MED27: variants seen among roughly 807,000 people sequenced by gnomAD.
The protein encoded by MED27 is mediator complex subunit 27.
A neutral mutation model predicts 38.2 loss-of-function variants in MED27; 30 were observed. The observed-to-expected ratio is 0.79, with a 90% CI of 0.59 to 1.07. The LOEUF (loss-of-function observed/expected upper bound fraction) is 1.07. Among genes scored for constraint, MED27 ranks in the 50% least tolerant of loss-of-function variants. The pLI is 0.00. For missense variants in MED27, 289 were observed against 397.5 expected, an observed-to-expected ratio of 0.73 and a Z score of 2.32; for synonymous variants, 122 against 153.5, an observed-to-expected ratio of 0.79 and a Z score of 1.52.
In MED27 at chr9:131,872,357, C is replaced by T. The variant is rs531459562; in HGVS notation, c.724-9217G>A. Among the ~76,000 whole-genome samples the T allele has an allele frequency of 2.6e-5, 4 of 152,348 alleles. No individual in the cohort carries two copies. The highest frequency in any genetic ancestry group is 3.9e-4 in the East Asian group (2 of 5,192). On this transcript the variant is annotated intron_variant, in intron 6 of 7. Transcript: ENST00000292035. The surrounding 1 kb of genome is among the most constrained non-coding windows in gnomAD (Gnocchi z 5.6). ...AGCCCCCGAGGCCAAGCTAGAAGAG[C>T]GGGCGCCTCTACTATTCGGAGTATT... is the stretch of plus-strand genomic sequence containing the variant.
intron 4 of MED27, among the ~76,000 whole-genome samples, chr9:131,894,267 T>C (rs1284547174): frequency 1.3e-5 from 2 of 152,264 alleles, no homozygotes; most frequent in Non-Finnish European, 2.9e-5. Flanking sequence ...ATGTTTACTA[T>C]CTGCTGGAAA....
rs1198419411 is a variant in MED27, at chr9:131,917,649, G to A, written c.573+21732C>T. ...GTGGGTGACAATGGGGATGCCACCC[G>A]CAATGTAATCAGTGCTAGAGATTAC... On this transcript the variant is annotated intron_variant, in intron 4 of 7. Coordinates refer to ENST00000292035, the MANE Select transcript of MED27 (RefSeq NM_004269.4). The surrounding 1 kb of genome is among the most constrained non-coding windows in gnomAD (Gnocchi z 4.6). Among the ~76,000 whole-genome samples the A allele has an allele frequency of 2.6e-5, 4 of 152,162 alleles. No homozygotes were observed. The highest frequency in any genetic ancestry group is 9.7e-5 in the African/African-American group (4 of 41,424).
rs530527612 is a variant in MED27, at chr9:131,868,927, C to T, written c.724-5787G>A. On this transcript the variant is annotated intron_variant, in intron 6 of 7. Transcript: ENST00000292035. ...CACTAGAAAGTGTCCTCTTCAGAGG[C>T]GGCGGGAGCCATGCGCCACAGCCCT... 2.0e-5 allele frequency: 20 copies of T among 985,476 alleles called. No individual in the cohort carries two copies. The Admixed American group carries it at 3.1e-4, about 15-fold the overall frequency. The allele number at this position is 985,476 out of a possible 1,614,324, so 61.0% of individuals were successfully genotyped here. A position where few individuals can be genotyped will look rare whatever the true frequency, so the allele number is the denominator to read the frequency against.
chr9:132,031,703 A>C (rs984714693), intron 2 of MED27, among the ~76,000 whole-genome samples: 2 of 152,204 alleles, frequency 1.3e-5, no homozygotes, highest in Admixed American at 1.3e-4. Flanking sequence ...GGGCAAGACC[A>C]ACACATCTGG....
chr9:131,969,029 A>G (rs1831417232), intron 3 of MED27, among the ~76,000 whole-genome samples: 1 of 152,194 alleles, frequency 6.6e-6, no homozygotes, highest in African/African-American at 2.4e-5. Context: ...AGTTGCAGGA[A>G]AATAAGCTCA....
chr9:131,939,147 A>G (rs1176564034), intron 4 of MED27, among the ~76,000 whole-genome samples: 2 of 152,212 alleles, frequency 1.3e-5, no homozygotes, highest in African/African-American at 4.8e-5. Flanking sequence ...ATGGTCTTAC[A>G]GTGTCTTTCC....
Position 131,860,668 on chromosome 9 carries a change from C to T in MED27, c.806G>A (p.Trp269Ter). The change falls in exon 8 of 8, where the codon TGG (tryptophan) becomes TAG (stop). Residue 269 changes from tryptophan (W) to a stop codon, truncating the protein, a stop_gained. Transcript: ENST00000292035. LOFTEE classifies it high-confidence loss of function. This position sits in a 1 kb window ranked among gnomAD's most constrained non-coding sequence, Gnocchi z 5.8. ...PDVVVRSFMT[W>*]LRSYIKLFQA... The stretch of plus-strand genomic sequence containing the variant: ...GAACAGCTTTATGTAACTTCTTAAC[C>T]AGGTCTAAAAAGAGAAACGAGGAGA... 1 of 1,613,118 alleles carries T rather than the reference C, an allele frequency of 6.2e-7. No homozygotes were observed. Among genetic ancestry groups the T allele is most frequent in the Non-Finnish European group, 8.5e-7 (1 of 1,179,612 alleles).
At chr9:132,071,331 T>C (rs966902672) in intron 2 of MED27, among the ~76,000 whole-genome samples, 2 of 151,204 alleles carry the variant, frequency 1.3e-5, no homozygotes, top group African/African-American at 2.4e-5. Flanking sequence ...AGGCGTCCCA[T>C]GAATGAGCAC....
At chr9:131,916,935 C>T (rs1357616549) in intron 4 of MED27, among the ~76,000 whole-genome samples, 1 of 152,074 alleles carries the variant, frequency 6.6e-6, no homozygotes, top group Non-Finnish European at 1.5e-5. Flanking sequence ...GCTATCTCGG[C>T]CTGGAAATAA....
chr9:131,989,607 A>C (rs941350379), intron 3 of MED27, among the ~76,000 whole-genome samples: 2 of 152,202 alleles, frequency 1.3e-5, no homozygotes, highest in African/African-American at 4.8e-5. Flanking sequence ...TATTAAGTAG[A>C]TTCACACTGT....
At chr9:131,869,492 A>G (rs1589170186) in intron 6 of MED27, 1 of 862,856 alleles carries the variant, frequency 1.2e-6, no homozygotes, top group Non-Finnish European at 1.4e-6. Flanking sequence ...TTCCGCTGGG[A>G]GATAAAAGCC....
At chr9:131,903,026 G>A (rs942892465) in intron 4 of MED27, among the ~76,000 whole-genome samples, 4 of 152,238 alleles carry the variant, frequency 2.6e-5, no homozygotes, top group Non-Finnish European at 5.9e-5. Flanking sequence ...CACCATGCAT[G>A]TGAAGTGCTC....
intron 3 of MED27, among the ~76,000 whole-genome samples, chr9:131,963,474 T>A (rs931959157): frequency 6.6e-6 from 1 of 151,866 alleles, no homozygotes. Flanking sequence ...GACACCTATA[T>A]CATGGCAAAA....
chr9:131,969,475 G>A (rs1831427622), intron 3 of MED27, among the ~76,000 whole-genome samples: 1 of 150,370 alleles, frequency 6.7e-6, no homozygotes, highest in Admixed American at 6.6e-5. Context: ...TTTAGAAAAA[G>A]ATTTTTCTTT....
At chr9:132,073,426 C>T in intron 2 of MED27, 1 of 1,098,312 alleles carries the variant, frequency 9.1e-7, no homozygotes, top group Non-Finnish European at 1.1e-6. Flanking sequence ...AGGCGCCTTG[C>T]TAGTTGCTGG....
intron 3 of MED27, among the ~76,000 whole-genome samples, chr9:132,000,190 A>T (rs1363289006): frequency 6.6e-6 from 1 of 151,774 alleles, no homozygotes; most frequent in Admixed American, 6.6e-5. Context: ...ATGGAAAAAA[A>T]GCCTTAGCCT....
At chr9:132,073,460 GGACATGGTGCCTCTCCCCT>G (rs1452553952) in intron 2 of MED27, 6 of 1,144,408 alleles carry the variant, frequency 5.2e-6, no homozygotes. Flanking sequence ...GGAACAAGAT[GGACATGGTGCCTCTCCCCT>G]GAGCCTTATA....
At chr9:131,922,627 A>G in intron 4 of MED27, among the ~76,000 whole-genome samples, 1 of 129,750 alleles carries the variant, frequency 7.7e-6, no homozygotes. Flanking sequence ...TTTTATTTTT[A>G]TTTTTTTCTT....
rs77722886 is a variant in MED27 at position 131,996,365 on chromosome 9, A to G, written c.479+17972T>C. On this transcript the variant is annotated intron_variant, in intron 3 of 7. Coordinates refer to ENST00000292035, the MANE Select transcript of MED27 (RefSeq NM_004269.4). ...GGATGAAGTGCTGGGTCTTGCCACT[A>G]TGGGAGCCACTGGAGCCGGCAGAGG... Among the ~76,000 whole-genome samples, 1,083 of 152,286 alleles carry G rather than the reference A, an allele frequency of 7.1e-3. 15 individuals carry two copies. The highest frequency in any genetic ancestry group is 0.025 in the African/African-American group (1,029 of 41,548).
Sources: gnomAD v4.1 joint callset for allele counts (sites outside exome capture counted in the v4.1 genomes callset) on GRCh38, gnomAD v4.1.1 for gene constraint, Gnocchi (gnomAD v3.1) non-coding constraint, MANE v1.5 for transcripts, NCBI Gene and HGNC (gene_info 2026-07-23, HGNC 2026-07-21) for gene names.